Variants in PHACTR3 observed in about 807,000 individuals in gnomAD.
PHACTR3 encodes the protein phosphatase and actin regulator 3.
A neutral mutation model predicts 66.8 loss-of-function variants in PHACTR3; 16 were observed. That is an observed-to-expected ratio of 0.24 (90% CI 0.16 to 0.36). PHACTR3 has a LOEUF of 0.36. Among genes scored for constraint, PHACTR3 ranks in the 10% least tolerant of loss-of-function variants. The probability of loss-of-function intolerance (pLI) is 1.00; values close to 1 mark genes in which losing one functional copy is unlikely to be tolerated. For missense variants in PHACTR3, 647 were observed against 719.9 expected (o/e 0.90, Z 1.16); for synonymous variants, 323 against 292.1 (o/e 1.11, Z -1.08).
intron 1 of PHACTR3, among the ~76,000 whole-genome samples, chr20:59,726,502 C>T (rs2146701994): frequency 6.6e-6 from 1 of 152,296 alleles, no homozygotes; most frequent in Admixed American, 6.5e-5. Flanking sequence ...GAACTGTTTG[C>T]TCCTTCTCCC....
intron 1 of PHACTR3, among the ~76,000 whole-genome samples, chr20:59,703,704 AGT>A (rs11474250): frequency 6.6e-6 from 1 of 150,962 alleles, no homozygotes. Flanking sequence ...TGTGTGTGTG[AGT>A]GTGTGTGTGT....
intron 1 of PHACTR3, among the ~76,000 whole-genome samples, chr20:59,733,483 T>C (rs994210750): frequency 4.6e-5 from 7 of 152,166 alleles, no homozygotes; most frequent in Non-Finnish European, 7.4e-5. Flanking sequence ...TGTGAGGTTA[T>C]TGTATGTTGC....
intron 1 of PHACTR3, among the ~76,000 whole-genome samples, chr20:59,689,193 G>T (rs192391533): frequency 6.6e-6 from 1 of 152,326 alleles, no homozygotes; most frequent in East Asian, 1.9e-4. Flanking sequence ...CAAGGAACAG[G>T]CAGCATCAGC....
intron 1 of PHACTR3, among the ~76,000 whole-genome samples, chr20:59,696,296 C>T (rs573560481): frequency 4.6e-5 from 7 of 152,286 alleles, no homozygotes; most frequent in East Asian, 3.9e-4. Context: ...AGTACAATGA[C>T]GCTGCCTCCA....
intron 1 of PHACTR3, among the ~76,000 whole-genome samples, chr20:59,670,606 G>A (rs6015544): frequency 1.1e-4 from 8 of 70,264 alleles, no homozygotes; most frequent in South Asian, 5.6e-4. Context: ...TGCCGGGGGT[G>A]GGGGGGGGGG....
intron 1 of PHACTR3, among the ~76,000 whole-genome samples, chr20:59,607,981 T>C (rs2033722004): frequency 6.6e-6 from 1 of 152,206 alleles, no homozygotes; most frequent in South Asian, 2.1e-4. Context: ...TCTTGGGATG[T>C]TGAGGCCACA....
chr20:59,655,514 T>C (rs1030734993), intron 1 of PHACTR3, among the ~76,000 whole-genome samples: 1 of 151,960 alleles, frequency 6.6e-6, no homozygotes, highest in African/African-American at 2.4e-5. Flanking sequence ...TTTACACTCT[T>C]GATTTTAGTA....
At chr20:59,667,895 T>G (rs2036047352) in intron 1 of PHACTR3, among the ~76,000 whole-genome samples, 1 of 152,204 alleles carries the variant, frequency 6.6e-6, no homozygotes, top group Non-Finnish European at 1.5e-5. Context: ...ACTTAATCAC[T>G]GGCTGGAAAT....
At chr20:59,617,263 C>G in intron 1 of PHACTR3, among the ~76,000 whole-genome samples, 1 of 151,978 alleles carries the variant, frequency 6.6e-6, no homozygotes, top group South Asian at 2.1e-4. Flanking sequence ...AAATTAAAAT[C>G]GAGGGAGAAA....
At chr20:59,666,553 A>G (rs1053753159) in intron 1 of PHACTR3, among the ~76,000 whole-genome samples, 1 of 151,870 alleles carries the variant, frequency 6.6e-6, no homozygotes, top group Non-Finnish European at 1.5e-5. Flanking sequence ...AGAGAGAGAG[A>G]CAAAGAGAGA....
chr20:59,827,143 A>G (rs1325523251), intron 8 of PHACTR3, among the ~76,000 whole-genome samples: 1 of 151,918 alleles, frequency 6.6e-6, no homozygotes, highest in East Asian at 1.9e-4. Context: ...TAGAAGGGGC[A>G]TGTTCACGGT....
intron 3 of PHACTR3, among the ~76,000 whole-genome samples, chr20:59,751,939 G>A (rs1409337803): frequency 6.6e-6 from 1 of 152,118 alleles, no homozygotes; most frequent in East Asian, 1.9e-4. Context: ...ACGTTTCTCT[G>A]TGCTAGACAC....
At chr20:59,813,329 G>T (rs1393692830) in intron 8 of PHACTR3, among the ~76,000 whole-genome samples, 3 of 152,198 alleles carry the variant, frequency 2.0e-5, no homozygotes, top group African/African-American at 4.8e-5. Flanking sequence ...CCCTGAAAAG[G>T]CTGCAAAGTT....
At chr20:59,741,014 A>C (rs71321551) in intron 1 of PHACTR3, among the ~76,000 whole-genome samples, 1,566 of 152,338 alleles carry the variant, frequency 0.01, 14 homozygotes, top group South Asian at 0.029. Flanking sequence ...GGCCTGGCCC[A>C]TCATAATCCC....
chr20:59,688,770 A>G (rs2036992629), intron 1 of PHACTR3, among the ~76,000 whole-genome samples: 1 of 152,178 alleles, frequency 6.6e-6, no homozygotes, highest in South Asian at 2.1e-4. Context: ...TAAATGCTGA[A>G]TAAATAAATA....
At chr20:59,836,915 G>A (rs759390312) in intron 9 of PHACTR3, among the ~76,000 whole-genome samples, 3 of 152,186 alleles carry the variant, frequency 2.0e-5, no homozygotes, top group Non-Finnish European at 4.4e-5. Flanking sequence ...GAACACACTA[G>A]AGAAGGACAC....
chr20:59,660,080 C>T (rs1035697773), intron 1 of PHACTR3, among the ~76,000 whole-genome samples: 1 of 152,170 alleles, frequency 6.6e-6, no homozygotes, highest in Admixed American at 6.5e-5. Context: ...TCCTCCTTAG[C>T]CCCCCACTTT....
At chr20:59,657,681 T>C (rs2145265) in intron 1 of PHACTR3, among the ~76,000 whole-genome samples, 36,575 of 152,054 alleles carry the variant, frequency 0.24, 5,394 homozygotes, top group East Asian at 0.55. Context: ...GTTAATCCTA[T>C]TGAGGCATCC....
intron 1 of PHACTR3, among the ~76,000 whole-genome samples, chr20:59,677,559 G>A (rs959143841): frequency 6.6e-6 from 1 of 152,200 alleles, no homozygotes; most frequent in Admixed American, 6.5e-5. Flanking sequence ...GTTTCCAAAG[G>A]TGCCTGCTGC....
Sources: allele counts gnomAD v4.1 joint callset (sites outside exome capture counted in the v4.1 genomes callset), GRCh38; gene constraint gnomAD v4.1.1; transcripts MANE v1.5; gene names NCBI Gene and HGNC (gene_info 2026-07-23, HGNC 2026-07-21).